The following C8orf34 variants were observed in gnomAD, a reference collection of about 807,000 sequenced individuals.
C8orf34 encodes the protein chromosome 8 open reading frame 34.
In C8orf34, 65 loss-of-function variants were observed where a neutral mutation model predicts 68.3. That is an observed-to-expected ratio of 0.95 (90% CI 0.78 to 1.17). The LOEUF is 1.17. C8orf34 is among the 50% of genes most tolerant of loss of function. The pLI is 0.00. For missense variants in C8orf34, 664 were observed against 655.4 expected (o/e 1.01, Z -0.14); for synonymous variants, 244 against 241.2 (o/e 1.01, Z -0.11).
intron 1 of C8orf34, among the ~76,000 whole-genome samples, chr8:68,392,104 A>G (rs1322889685): frequency 6.6e-6 from 1 of 152,114 alleles, no homozygotes; most frequent in Admixed American, 6.6e-5. Flanking sequence ...ATTTTTTGCC[A>G]TGAATTTTAT....
intron 8 of C8orf34, among the ~76,000 whole-genome samples, chr8:68,662,680 G>A (rs971291791): frequency 1.3e-5 from 2 of 152,116 alleles, no homozygotes; most frequent in African/African-American, 2.4e-5. Flanking sequence ...CCAATCTCAG[G>A]TATGTCTTTA....
At chr8:68,571,087 G>A (rs1816747778) in intron 7 of C8orf34, among the ~76,000 whole-genome samples, 1 of 152,104 alleles carries the variant, frequency 6.6e-6, no homozygotes, top group Non-Finnish European at 1.5e-5. Context: ...AGGAGAGTAG[G>A]ACCCTGGAGG....
At chr8:68,366,777 C>T (rs978551441) in intron 1 of C8orf34, among the ~76,000 whole-genome samples, 7 of 146,310 alleles carry the variant, frequency 4.8e-5, no homozygotes, top group African/African-American at 1.8e-4. Context: ...AAACGTTAGA[C>T]CTAAAACCAT....
chr8:68,519,644 T>G (rs1814663976), intron 5 of C8orf34, among the ~76,000 whole-genome samples: 1 of 152,172 alleles, frequency 6.6e-6, no homozygotes, highest in Non-Finnish European at 1.5e-5. Flanking sequence ...GATTATTGAT[T>G]TTCATGGTCT....
At chr8:68,345,077 CAG>C (rs763161935) in intron 1 of C8orf34, among the ~76,000 whole-genome samples, 5 of 151,858 alleles carry the variant, frequency 3.3e-5, no homozygotes, top group Non-Finnish European at 7.4e-5. Flanking sequence ...CAAGTCCAGA[CAG>C]AGCAGGAATT....
At chr8:68,395,782 A>G (rs1586048910) in intron 1 of C8orf34, among the ~76,000 whole-genome samples, 1 of 152,154 alleles carries the variant, frequency 6.6e-6, no homozygotes, top group Admixed American at 6.6e-5. Context: ...GGGGAGGGCC[A>G]AGTAGGAAAC....
intron 7 of C8orf34, among the ~76,000 whole-genome samples, chr8:68,548,890 T>A (rs947752752): frequency 8.6e-5 from 13 of 151,844 alleles, no homozygotes; most frequent in Non-Finnish European, 1.3e-4. Flanking sequence ...ATCCTATTGC[T>A]ATTGACTAAA....
intron 7 of C8orf34, among the ~76,000 whole-genome samples, chr8:68,571,197 G>A (rs1816750476): frequency 6.6e-6 from 1 of 152,094 alleles, no homozygotes; most frequent in Non-Finnish European, 1.5e-5. Context: ...TTCCCTCCAT[G>A]GAAAGGGAAT....
chr8:68,806,630 C>T (rs1009248903), intron 12 of C8orf34, among the ~76,000 whole-genome samples: 1 of 152,050 alleles, frequency 6.6e-6, no homozygotes, highest in Non-Finnish European at 1.5e-5. Context: ...TCATAGTGTG[C>T]CTACATGTTA....
chr8:68,756,518 T>C (rs1208332843), intron 10 of C8orf34, among the ~76,000 whole-genome samples: 1 of 152,086 alleles, frequency 6.6e-6, no homozygotes. Flanking sequence ...GGGAGGACAA[T>C]TTTAATTATA....
chr8:68,349,272 C>G (rs886465837), intron 1 of C8orf34, among the ~76,000 whole-genome samples: 1 of 151,814 alleles, frequency 6.6e-6, no homozygotes, highest in African/African-American at 2.4e-5. Context: ...TGTGATGAAT[C>G]ACATTTATTG....
At chr8:68,776,031 G>GATAA (rs1823505088) in intron 10 of C8orf34, among the ~76,000 whole-genome samples, 1 of 152,144 alleles carries the variant, frequency 6.6e-6, no homozygotes, top group Admixed American at 6.6e-5. Context: ...TAAGCATCAG[G>GATAA]ATAAATAGCT....
intron 8 of C8orf34, among the ~76,000 whole-genome samples, chr8:68,659,741 T>C (rs985818721): frequency 5.3e-5 from 8 of 152,094 alleles, no homozygotes; most frequent in Admixed American, 5.2e-4. Context: ...GTCCACTCCA[T>C]TAACTCTAGT....
At chr8:68,413,295 C>T (rs919486785) in intron 1 of C8orf34, among the ~76,000 whole-genome samples, 7 of 152,186 alleles carry the variant, frequency 4.6e-5, no homozygotes, top group African/African-American at 1.4e-4. Context: ...TCAAAGCAAT[C>T]TGAAGAGGAA....
chr8:68,602,618 G>A (rs948008639), intron 7 of C8orf34, among the ~76,000 whole-genome samples: 2 of 152,128 alleles, frequency 1.3e-5, no homozygotes, highest in Admixed American at 1.3e-4. Flanking sequence ...TTCAAGATGA[G>A]ATTTGGGTGG....
intron 1 of C8orf34, among the ~76,000 whole-genome samples, chr8:68,390,710 T>TA (rs1563399299): frequency 6.6e-6 from 1 of 152,110 alleles, no homozygotes; most frequent in Non-Finnish European, 1.5e-5. Context: ...TTTTTATCTA[T>TA]AAAATGGAGA....
intron 7 of C8orf34, among the ~76,000 whole-genome samples, chr8:68,616,548 C>G (rs1818221116): frequency 6.6e-6 from 1 of 152,130 alleles, no homozygotes; most frequent in Non-Finnish European, 1.5e-5. Flanking sequence ...TCGTTATGTA[C>G]CTGGTAGTCA....
chr8:68,585,859 C>T (rs1378060265), intron 7 of C8orf34, among the ~76,000 whole-genome samples: 4 of 152,048 alleles, frequency 2.6e-5, no homozygotes, highest in African/African-American at 9.7e-5. Flanking sequence ...GCAGACAGAC[C>T]CAAGCGGAGG....
intron 6 of C8orf34, among the ~76,000 whole-genome samples, chr8:68,527,338 C>T (rs1304591835): frequency 6.6e-6 from 1 of 152,134 alleles, no homozygotes; most frequent in African/African-American, 2.4e-5. Context: ...TCTGGGAGGC[C>T]GAGGCGGGCG....
Sources: gnomAD v4.1 joint callset for allele counts (sites outside exome capture counted in the v4.1 genomes callset) on GRCh38, gnomAD v4.1.1 for gene constraint, MANE v1.5 for transcripts, NCBI Gene and HGNC (gene_info 2026-07-23, HGNC 2026-07-21) for gene names.